APBB2: variants seen among roughly 807,000 people sequenced by gnomAD.
APBB2 encodes amyloid beta precursor protein binding family B member 2, also known as Fe65-like 1.
A neutral mutation model predicts 82.5 loss-of-function variants in APBB2; 38 were observed. That is an observed-to-expected ratio of 0.46 (90% confidence interval 0.36 to 0.60). The LOEUF is 0.60. APBB2 is among the 20% of genes least tolerant of loss of function. The probability of loss-of-function intolerance (pLI) is 0.00; values close to 1 mark genes in which losing one functional copy is unlikely to be tolerated. For missense variants in APBB2, 772 were observed against 972.3 expected (o/e 0.79, Z 2.74); for synonymous variants, 341 against 368.2 (o/e 0.93, Z 0.85).
chr4:40,861,221 G>A (rs1367152850), intron 12 of APBB2, among the ~76,000 whole-genome samples: 4 of 152,082 alleles, frequency 2.6e-5, no homozygotes, highest in Admixed American at 1.3e-4. Flanking sequence ...GTGGTGGCAC[G>A]TGCCTGTAAT....
intron 4 of APBB2, 47 bp from the exon 5 acceptor site, chr4:41,033,351 G>T: frequency 1.6e-6 from 2 of 1,232,634 alleles, no homozygotes; most frequent in Non-Finnish European, 2.3e-6. Context: ...AAATAACAAA[G>T]CATAAAAGAA....
intron 12 of APBB2, among the ~76,000 whole-genome samples, chr4:40,859,571 C>A (rs1762263740): frequency 6.6e-6 from 1 of 152,226 alleles, no homozygotes; most frequent in Non-Finnish European, 1.5e-5. Context: ...ACAGGAGCCA[C>A]ACCTGTCCCT....
chr4:41,172,950 C>T (rs1768724934), intron 1 of APBB2, among the ~76,000 whole-genome samples: 1 of 152,206 alleles, frequency 6.6e-6, no homozygotes, highest in South Asian at 2.1e-4. Flanking sequence ...AATTAACACA[C>T]TACACTTTTT....
intron 12 of APBB2, among the ~76,000 whole-genome samples, chr4:40,864,532 C>G (rs1026658688): frequency 1.3e-5 from 2 of 152,114 alleles, no homozygotes; most frequent in Admixed American, 6.5e-5. Context: ...TCCTGTTCTG[C>G]CCTGTAAAAT....
chr4:40,870,269 G>A lies in APBB2; in HGVS notation c.1529+20095C>T, dbSNP rs1765116217. Among the ~76,000 whole-genome samples the A allele has an allele frequency of 2.0e-5, 3 of 152,214 alleles. No homozygotes were observed. The South Asian group carries it at 6.2e-4, about 32-fold the overall frequency. ...TGTGCCCACCACTGCCAGTGCAGAT[G>A]AGGGAGGGCAGAGTGAGGGGCAGCG... On this transcript the variant is annotated intron_variant, in intron 12 of 17. Transcript: ENST00000508593.
chr4:41,206,513 T>C (rs1301752577), intron 1 of APBB2, among the ~76,000 whole-genome samples: 1 of 152,176 alleles, frequency 6.6e-6, no homozygotes, highest in Non-Finnish European at 1.5e-5. Flanking sequence ...TTCACCAGTG[T>C]CCTGGAAAAG....
intron 3 of APBB2, among the ~76,000 whole-genome samples, chr4:41,068,106 T>C (rs1732563560): frequency 6.6e-6 from 1 of 152,216 alleles, no homozygotes; most frequent in African/African-American, 2.4e-5. Context: ...CCATGGGGGA[T>C]GCATTCCAGG....
At chr4:41,014,853 T>A (rs556277932) in intron 5 of APBB2, among the ~76,000 whole-genome samples, 1 of 152,326 alleles carries the variant, frequency 6.6e-6, no homozygotes, top group South Asian at 2.1e-4. Context: ...ACCTGAAAGG[T>A]CATTGTTCAA....
In APBB2 at chr4:41,033,297, T is replaced by A; in HGVS notation, c.-43A>T. ...CAATGGTGCAGGAAATAGGTTATAATTTGAAATCTAAAAAGAAGGGATCAT... is the reference window on the plus strand; with the variant it reads ...CAATGGTGCAGGAAATAGGTTATAAATTGAAATCTAAAAAGAAGGGATCAT... On this transcript the variant is annotated 5_prime_UTR_variant, in exon 5 of 18. Coordinates refer to ENST00000508593, the MANE Select transcript of APBB2 (RefSeq NM_004307.2). 1 of 1,574,846 alleles carries A rather than the reference T, an allele frequency of 6.3e-7. No individual in the cohort carries two copies. Among genetic ancestry groups the A allele is most frequent in the Non-Finnish European group, 8.6e-7 (1 of 1,159,548 alleles).
chr4:41,029,204 T>C (rs1160087570), intron 5 of APBB2, among the ~76,000 whole-genome samples: 1 of 152,202 alleles, frequency 6.6e-6, no homozygotes, highest in African/African-American at 2.4e-5. Flanking sequence ...AATGTCACTG[T>C]TTGAACTAGA....
intron 1 of APBB2, among the ~76,000 whole-genome samples, chr4:41,160,605 G>A (rs1164793076): frequency 1.3e-5 from 2 of 152,132 alleles, no homozygotes; most frequent in East Asian, 3.9e-4. Flanking sequence ...CAAGAGAAGG[G>A]TGGGACAGGA....
chr4:40,994,285 CA>C (rs34027629), intron 6 of APBB2, among the ~76,000 whole-genome samples: 99,488 of 139,492 alleles, frequency 0.71, 34,940 homozygotes, highest in East Asian at 0.82. Flanking sequence ...AGACTCATCT[CA>C]AAAAAAAAAA....
chr4:40,933,994 C>A (rs527545505), intron 10 of APBB2, among the ~76,000 whole-genome samples: 1 of 152,280 alleles, frequency 6.6e-6, no homozygotes, highest in South Asian at 2.1e-4. Flanking sequence ...CCCCAGTTTT[C>A]CATCATAAAA....
chr4:40,889,417 G>T (rs1296527284), intron 12 of APBB2, among the ~76,000 whole-genome samples: 5 of 152,188 alleles, frequency 3.3e-5, no homozygotes, highest in Non-Finnish European at 7.3e-5. Flanking sequence ...TAAAAAAGCA[G>T]AATGTTCAGA....
chr4:40,881,528 C>CTTTTCTTTTTTTTTTTTTT (rs1553952936), intron 12 of APBB2: 2 of 154,908 alleles, frequency 1.3e-5, no homozygotes, highest in Non-Finnish European at 1.0e-5. Context: ...CTTTTCTTTT[C>CTTTTCTTTTTTTTTTTTTT]TTTTTCTTTT....
chr4:41,104,237 G>A (rs142297009), intron 2 of APBB2, among the ~76,000 whole-genome samples: 1 of 152,270 alleles, frequency 6.6e-6, no homozygotes. Flanking sequence ...CCAAAAGAAC[G>A]TGGCTATATT....
At chr4:41,184,203 T>C (rs1772241909) in intron 1 of APBB2, among the ~76,000 whole-genome samples, 1 of 152,072 alleles carries the variant, frequency 6.6e-6, no homozygotes, top group Admixed American at 6.5e-5. Context: ...ATATGAAGCT[T>C]CATTCGCTGG....
intron 4 of APBB2, among the ~76,000 whole-genome samples, chr4:41,053,523 T>C (rs1199253703): frequency 3.3e-5 from 5 of 152,190 alleles, no homozygotes; most frequent in Admixed American, 2.6e-4. Flanking sequence ...CACAAGAAGT[T>C]TGAAAAGTGG....
At position 40,934,687 on chromosome 4, in the gene APBB2, C is replaced by T. The variant is rs764215264; in HGVS notation, c.1120G>A (p.Ala374Thr). The change falls in exon 9 of 18, where the codon GCC (alanine) becomes ACC (threonine). Residue 374 changes from alanine to threonine, a missense_variant. Ala to Thr is a moderately conservative substitution (Grantham distance 58, BLOSUM62 0). Coordinates refer to ENST00000508593, the MANE Select transcript of APBB2 (RefSeq NM_004307.2). The part of the protein sequence containing the change: ...NSDIWKDLHA[A>T]TVNPDPSLKE... ...AAACTGGGGTCCGGGTTAACAGTGG[C>T]TGCATGCAAATCCTAGAGGAAAATA... is the stretch of plus-strand genomic sequence containing the variant. 6.8e-6 allele frequency: 11 copies of T among 1,613,038 alleles called. No individual in the cohort carries two copies. The highest frequency in any genetic ancestry group is 1.7e-5 in the Admixed American group (1 of 59,978).
Sources: allele counts gnomAD v4.1 joint callset (sites outside exome capture counted in the v4.1 genomes callset), GRCh38; gene constraint gnomAD v4.1.1; transcripts MANE v1.5; gene names NCBI Gene and HGNC (gene_info 2026-07-23, HGNC 2026-07-21).